The following MDH2 variants were observed in gnomAD, a reference collection of about 807,000 sequenced individuals.
MDH2 encodes the protein malate dehydrogenase 2, also known as malate dehydrogenase, mitochondrial.
Under a neutral mutation model 33.6 loss-of-function variants are expected in MDH2, and 25 were observed. The ratio of observed to expected loss-of-function variants is 0.74; its 90% CI spans 0.54 to 1.04. The LOEUF (loss-of-function observed/expected upper bound fraction) is 1.04, where lower values mean the gene tolerates loss of function less well. Among genes scored for constraint, MDH2 ranks in the 50% least tolerant of loss-of-function variants. The probability of loss-of-function intolerance (pLI) is 0.00; values close to 1 mark genes in which losing one functional copy is unlikely to be tolerated. For missense variants in MDH2, 432 were observed against 445.0 expected, an observed-to-expected ratio of 0.97 and a Z score of 0.26; for synonymous variants, 193 against 188.7, an observed-to-expected ratio of 1.02 and a Z score of -0.19.
intron 2 of MDH2, among the ~76,000 whole-genome samples, chr7:76,056,120 G>A (rs1315216596): frequency 3.3e-5 from 5 of 152,080 alleles, no homozygotes; most frequent in South Asian, 2.1e-4. Context: ...GAGCAACTGC[G>A]CCCAGCCCGA....
intron 8 of MDH2, among the ~76,000 whole-genome samples, chr7:76,065,909 G>A (rs1278268316): frequency 2.0e-5 from 3 of 152,208 alleles, no homozygotes; most frequent in Admixed American, 6.5e-5. Context: ...GGGAGAATAC[G>A]GTGAAGTGTT....
chr7:76,052,169 GATTA>G lies in MDH2; in HGVS notation c.67-2657_67-2654del, dbSNP rs1407269850. Reference sequence around the variant, plus strand: ...ACAGGTCGGTCCATTTCTTGGTAGAGATTAATTCTTTGTTAGATAAAGATAGAGA... The same window carrying G: ...ACAGGTCGGTCCATTTCTTGGTAGAGATTCTTTGTTAGATAAAGATAGAGA... On this transcript the variant is annotated intron_variant, in intron 1 of 8. Coordinates refer to ENST00000315758, the MANE Select transcript of MDH2 (RefSeq NM_005918.4). Among the ~76,000 whole-genome samples, 3 of 152,124 alleles carry G rather than the reference GATTA, an allele frequency of 2.0e-5. No individual in the cohort carries two copies. The East Asian group carries it at 5.8e-4, about 29-fold the overall frequency.
intron 3 of MDH2, 32 bp downstream of exon 3, chr7:76,057,525 C>T (rs782354897): frequency 6.3e-7 from 1 of 1,597,256 alleles, no homozygotes; most frequent in African/African-American, 1.3e-5. Context: ...CTGGTACCTC[C>T]CCACGTGAAG....
chr7:76,054,956 G>A lies in MDH2; in HGVS notation c.193G>A (p.Ala65Thr). The A allele has an allele frequency of 6.2e-7, 1 of 1,614,062 alleles. No individual in the cohort carries two copies. Among genetic ancestry groups the A allele is most frequent in the Non-Finnish European group, 8.5e-7 (1 of 1,180,006 alleles). The change falls in exon 2 of 9, where the codon GCC becomes ACC. Residue 65 changes from alanine (A) to threonine (T), a missense_variant. Coordinates refer to ENST00000315758, the MANE Select transcript of MDH2 (RefSeq NM_005918.4). ...LYDIAHTPGV[A>T]ADLSHIETKA... ...TGATATCGCGCACACACCCGGAGTGGCCGCAGATCTGAGCCACATCGAGAC... is the reference window on the plus strand; with the variant it reads ...TGATATCGCGCACACACCCGGAGTGACCGCAGATCTGAGCCACATCGAGAC...
chr7:76,057,819 A>T, intron 3 of MDH2, 150 bp from the exon 4 acceptor site: 1 of 708,494 alleles, frequency 1.4e-6, no homozygotes, highest in Non-Finnish European at 2.4e-6. Context: ...GGCACTCATC[A>T]TGCTGGATCA....
chr7:76,048,190 C>G lies in MDH2; in HGVS notation c.30C>G (p.Ser10Arg), dbSNP rs782755606. The G allele has an allele frequency of 6.5e-7, 1 of 1,536,122 alleles. No homozygotes were observed. Among genetic ancestry groups the G allele is most frequent in the South Asian group, 1.2e-5 (1 of 83,986 alleles). The change falls in exon 1 of 9, where the codon AGC becomes AGG. Residue 10 changes from serine to arginine, a missense_variant. Coordinates refer to ENST00000315758, the MANE Select transcript of MDH2 (RefSeq NM_005918.4). The stretch of plus-strand genomic sequence containing the variant: ...TCTCCGCCCTCGCCCGGCCTGCCAG[C>G]GCTGCTCTCCGCCGCAGCTTCAGCA... MLSALARPA[S>R]AALRRSFSTS...
At chr7:76,060,813 C>T (rs1554586916) in intron 5 of MDH2, among the ~76,000 whole-genome samples, 1 of 151,982 alleles carries the variant, frequency 6.6e-6, no homozygotes, top group East Asian at 1.9e-4. Context: ...GGGGCTCCCC[C>T]AGTCCTCCCC....
At chr7:76,060,538 ACTT>A (rs782493240) in intron 5 of MDH2, 40 bp downstream of exon 5, 1 of 1,608,076 alleles carries the variant, frequency 6.2e-7, no homozygotes, top group Non-Finnish European at 8.5e-7. Flanking sequence ...ACCTTTCTGA[ACTT>A]CTCCCGCCAC....
Position 76,064,087 on chromosome 7 carries a change from TC to T in MDH2, c.634-251del, listed in dbSNP as rs1554587405. 1.0e-3 allele frequency among the ~76,000 whole-genome samples: 149 copies of T among 149,612 alleles called. 1 individual carries two copies. Among genetic ancestry groups the T allele is most frequent in the Middle Eastern group, 3.5e-3 (1 of 286 alleles). ...TCCCAACAGAGTTGATTTCACTTCGTCTTTTTTTTTTTTATCTTTTTATTAT... is the reference window on the plus strand; with the variant it reads ...TCCCAACAGAGTTGATTTCACTTCGTTTTTTTTTTTTTATCTTTTTATTAT... On this transcript the variant is annotated intron_variant, in intron 6 of 8. Coordinates refer to ENST00000315758, the MANE Select transcript of MDH2 (RefSeq NM_005918.4).
intron 1 of MDH2, 111 bp downstream of exon 1, chr7:76,048,337 A>C (rs2116626137): frequency 7.2e-7 from 1 of 1,396,470 alleles, no homozygotes; most frequent in Non-Finnish European, 9.4e-7. Context: ...GACCGCAGGG[A>C]TGCCCGGCAC....
In MDH2 at chr7:76,067,497, A is replaced by G. The variant is rs566522228; in HGVS notation, c.*1087A>G. 7 of 152,354 alleles carry G rather than the reference A, an allele frequency of 4.6e-5. No individual in the cohort carries two copies. The East Asian group carries it at 1.3e-3, about 29-fold the overall frequency. The allele number at this position is 152,354 out of a possible 1,614,324, so 9.4% of individuals were successfully genotyped here. A position where few individuals can be genotyped will look rare whatever the true frequency, so the allele number is the denominator to read the frequency against. Reference sequence around the variant, plus strand: ...CAGCTAAAAAATAAAGCGGGAAAGGAACTACTGGTAATACTTGTCCTCTCT... The same window carrying G: ...CAGCTAAAAAATAAAGCGGGAAAGGGACTACTGGTAATACTTGTCCTCTCT... On this transcript the variant is annotated 3_prime_UTR_variant, in exon 9 of 9. Coordinates refer to ENST00000315758, the MANE Select transcript of MDH2 (RefSeq NM_005918.4).
chr7:76,067,172 G>A lies in MDH2; in HGVS notation c.*762G>A, dbSNP rs1798116867. ...AGAAGGGACTTCTTGTTGTACTGAG[G>A]AGTGCGGAATTAAAGAGATTTGACT... On this transcript the variant is annotated 3_prime_UTR_variant, in exon 9 of 9. Coordinates refer to ENST00000315758, the MANE Select transcript of MDH2 (RefSeq NM_005918.4). 1 of 152,246 alleles carries A rather than the reference G, an allele frequency of 6.6e-6. No individual in the cohort carries two copies. The highest frequency in any genetic ancestry group is 2.4e-5 in the African/African-American group (1 of 41,460). 9.4% of individuals were successfully genotyped at this position (152,246 alleles called of 1,614,324 possible).
rs977255643 is a variant in MDH2 at position 76,063,459 on chromosome 7, A to G, written c.556-56A>G. On this transcript the variant is annotated intron_variant, in intron 5 of 8. Transcript: ENST00000315758. ...TGTTGGGGCTGTGGGCAGCTGTGAC[A>G]TGTTTTACAGTGAAAGAGCTTGTTA... The G allele has an allele frequency of 1.2e-5, 19 of 1,550,410 alleles. 1 individual carries two copies. The highest frequency in any genetic ancestry group is 6.7e-5 in the East Asian group (3 of 44,496).
rs530159574 is a variant in MDH2, at chr7:76,063,807, AAGG to A, written c.633+218_633+220del. ...TGCTCAGGGCCCAGCTCCAGCACGC[AAGG>A]AGAACCACTGTTGGGAACCTCACCG... is the stretch of plus-strand genomic sequence containing the variant. On this transcript the variant is annotated intron_variant, in intron 6 of 8. Transcript: ENST00000315758. Among the ~76,000 whole-genome samples the A allele has an allele frequency of 3.9e-5, 6 of 152,172 alleles. No homozygotes were observed. The South Asian group carries it at 1.2e-3, about 31-fold the overall frequency.
chr7:76,048,827 T>A, intron 1 of MDH2: 1 of 1,212,300 alleles, frequency 8.2e-7, no homozygotes. Context: ...GTCTTAACAG[T>A]GCTTGACTTG....
intron 1 of MDH2, 126 bp from the exon 2 acceptor site, chr7:76,054,704 A>G (rs782031941): frequency 2.3e-5 from 25 of 1,079,432 alleles, no homozygotes; most frequent in Non-Finnish European, 3.3e-5. Context: ...TGTTACAAAT[A>G]CAATGATTGT....
At chr7:76,063,198 G>A (rs1173005985) in intron 5 of MDH2, among the ~76,000 whole-genome samples, 1 of 152,210 alleles carries the variant, frequency 6.6e-6, no homozygotes, top group Admixed American at 6.5e-5. Context: ...GCCCGGGGGG[G>A]GCCTCCACAG....
intron 1 of MDH2, chr7:76,048,983 G>GGGGC: frequency 8.0e-5 from 1 of 12,526 alleles, no homozygotes; most frequent in Non-Finnish European, 1.3e-4. Context: ...TAAGACTGCG[G>GGGGC]GGGGGGGGGG....
intron 1 of MDH2, among the ~76,000 whole-genome samples, chr7:76,049,684 G>A (rs547115170): frequency 6.8e-4 from 104 of 152,112 alleles, no homozygotes; most frequent in African/African-American, 2.2e-3. Context: ...GAAATACAGC[G>A]GTGAACAAAA....
Sources: allele counts gnomAD v4.1 joint callset (sites outside exome capture counted in the v4.1 genomes callset), GRCh38; gene constraint gnomAD v4.1.1; transcripts MANE v1.5; gene names NCBI Gene and HGNC (gene_info 2026-07-23, HGNC 2026-07-21).